CD44: variants seen among roughly 807,000 people sequenced by gnomAD.
CD44 encodes the protein CD44 molecule (IN blood group).
Under a neutral mutation model 88.8 loss-of-function variants are expected in CD44, and 49 were observed. The observed-to-expected ratio is 0.55, with a 90% CI of 0.44 to 0.70. The LOEUF is 0.70. CD44 is among the 30% of genes least tolerant of loss of function. The probability of loss-of-function intolerance (pLI) is 0.00; values close to 1 mark genes in which losing one functional copy is unlikely to be tolerated. For synonymous variants in CD44, 325 were observed against 312.3 expected (o/e 1.04, Z -0.43); for missense variants, 883 against 913.8 (o/e 0.97, Z 0.43).
chr11:35,176,143 T>C (rs926649592), intron 1 of CD44, among the ~76,000 whole-genome samples: 3 of 151,194 alleles, frequency 2.0e-5, no homozygotes, highest in Non-Finnish European at 4.4e-5. Flanking sequence ...CCCAGGTTCA[T>C]GCCATTCTCC....
chr11:35,186,823 A>G lies in CD44; in HGVS notation c.368-9A>G. ...AAAGGGTTCTCATCCTTTTTTTCCT[A>G]CCTCATAGCTCCACCTGAAGAAGAT... On this transcript the variant is annotated splice_polypyrimidine_tract_variant and intron_variant, in intron 3 of 17. Transcript: ENST00000428726. 1.3e-6 allele frequency: 2 copies of G among 1,578,474 alleles called. No individual in the cohort carries two copies. The highest frequency in any genetic ancestry group is 1.7e-6 in the Non-Finnish European group (2 of 1,148,194).
chr11:35,224,211 G>A (rs1226742860), intron 17 of CD44, among the ~76,000 whole-genome samples: 5 of 152,174 alleles, frequency 3.3e-5, no homozygotes, highest in South Asian at 2.1e-4. Flanking sequence ...TGTGAGTCAC[G>A]TTGTCTTAAA....
At chr11:35,218,366 G>A (rs1949010072) in intron 15 of CD44, among the ~76,000 whole-genome samples, 1 of 152,120 alleles carries the variant, frequency 6.6e-6, no homozygotes, top group Non-Finnish European at 1.5e-5. Flanking sequence ...GTCTCGCTCT[G>A]TTGCCAAGCT....
chr11:35,141,942 G>A (rs1418342409), intron 1 of CD44, among the ~76,000 whole-genome samples: 1 of 152,178 alleles, frequency 6.6e-6, no homozygotes, highest in Non-Finnish European at 1.5e-5. Context: ...ACAACCACGA[G>A]GAAACTTTGG....
At chr11:35,206,697 A>G (rs1947898816) in intron 11 of CD44, among the ~76,000 whole-genome samples, 1 of 150,168 alleles carries the variant, frequency 6.7e-6, no homozygotes. Flanking sequence ...TAAGAAGGAG[A>G]CTCCTGTAAG....
chr11:35,165,213 G>A (rs1205786498), intron 1 of CD44, among the ~76,000 whole-genome samples: 2 of 152,178 alleles, frequency 1.3e-5, no homozygotes, highest in African/African-American at 4.8e-5. Flanking sequence ...ATCATGTCAG[G>A]GAGAGAAAGA....
chr11:35,219,525 G>T, intron 16 of CD44, 138 bp downstream of exon 16: 1 of 673,688 alleles, frequency 1.5e-6, no homozygotes, highest in Non-Finnish European at 2.7e-6. Context: ...CTCTTTACAA[G>T]TTAAAGGATG....
At chr11:35,218,781 G>A (rs1476840692) in intron 15 of CD44, 1 of 152,594 alleles carries the variant, frequency 6.6e-6, no homozygotes, top group African/African-American at 2.4e-5. Context: ...CATTTCTAGC[G>A]ATCTCCCCAG....
At chr11:35,166,395 G>T (rs1943267587) in intron 1 of CD44, among the ~76,000 whole-genome samples, 1 of 151,798 alleles carries the variant, frequency 6.6e-6, no homozygotes, top group African/African-American at 2.4e-5. Context: ...AGGAGTGGGG[G>T]GTTAAACAGT....
chr11:35,221,608 G>T (rs779131490), intron 16 of CD44, 46 bp from the exon 17 acceptor site: 5 of 1,529,210 alleles, frequency 3.3e-6, no homozygotes, highest in Non-Finnish European at 3.6e-6. Context: ...TTTTTACAAA[G>T]TGTGTCTCTG....
intron 9 of CD44, among the ~76,000 whole-genome samples, chr11:35,203,502 T>C (rs2134075481): frequency 6.6e-6 from 1 of 152,270 alleles, no homozygotes; most frequent in Non-Finnish European, 1.5e-5. Flanking sequence ...TTGGCTTTTT[T>C]CCCCCTCCTC....
chr11:35,153,686 C>T (rs754796544), intron 1 of CD44, among the ~76,000 whole-genome samples: 3 of 152,200 alleles, frequency 2.0e-5, no homozygotes, highest in Non-Finnish European at 1.5e-5. Context: ...ACTAATGATG[C>T]CTTTGTTTAA....
At chr11:35,208,803 G>T (rs150101826) in intron 12 of CD44, among the ~76,000 whole-genome samples, 42 of 152,268 alleles carry the variant, frequency 2.8e-4, no homozygotes, top group African/African-American at 9.4e-4. Context: ...TATGTGCAGG[G>T]ATGTCCTAGA....
intron 17 of CD44, chr11:35,223,359 T>A: frequency 1.2e-6 from 1 of 862,556 alleles, no homozygotes. Context: ...AGCCCTAGAA[T>A]GCACCACTTT....
intron 1 of CD44, among the ~76,000 whole-genome samples, chr11:35,155,029 A>C (rs353616): frequency 0.018 from 2,752 of 152,278 alleles, 96 homozygotes; most frequent in African/African-American, 0.062. Context: ...AAAAAAAATC[A>C]ATATTTAGCA....
intron 1 of CD44, among the ~76,000 whole-genome samples, chr11:35,175,316 G>T (rs1944338353): frequency 1.3e-5 from 2 of 152,198 alleles, no homozygotes; most frequent in African/African-American, 4.8e-5. Flanking sequence ...ACTCTTGGAG[G>T]TTGTAAGCCA....
rs543202366 is a variant in CD44 at position 35,226,551 on chromosome 11, T to G, written c.2025-2578T>G. The stretch of plus-strand genomic sequence containing the variant: ...CATATGGCTTTTGTTATATTAACAA[T>G]TATAGATAGCACTTGAAAGCTTACT... On this transcript the variant is annotated intron_variant, in intron 17 of 17. Transcript: ENST00000428726. Among the ~76,000 whole-genome samples the G allele has an allele frequency of 2.0e-5, 3 of 152,318 alleles. No individual in the cohort carries two copies. In the South Asian group the frequency reaches 6.2e-4, roughly 32 times the overall value.
chr11:35,209,905 G>A, intron 12 of CD44, 60 bp from the exon 13 acceptor site: 1 of 1,127,012 alleles, frequency 8.9e-7, no homozygotes, highest in Non-Finnish European at 1.3e-6. Flanking sequence ...CTTGCTAGCA[G>A]ATAACAGGAT....
At chr11:35,222,679 G>T (rs758737407) in intron 17 of CD44, 5 of 895,628 alleles carry the variant, frequency 5.6e-6, no homozygotes, top group Non-Finnish European at 6.7e-6. Context: ...TTTAACAGGG[G>T]TATAAATCTA....
Sources: allele counts gnomAD v4.1 joint callset (sites outside exome capture counted in the v4.1 genomes callset), GRCh38; gene constraint gnomAD v4.1.1; transcripts MANE v1.5; gene names NCBI Gene and HGNC (gene_info 2026-07-23, HGNC 2026-07-21).